Variants in MPPED1 observed in about 807,000 individuals in gnomAD.
MPPED1 encodes the protein metallophosphoesterase domain-containing protein 1.
MPPED1 carries 16 observed loss-of-function variants against 36.2 expected under a neutral mutation model. The ratio of observed to expected loss-of-function variants is 0.44; its 90% CI spans 0.30 to 0.67. The LOEUF (loss-of-function observed/expected upper bound fraction) is 0.67, where lower values mean the gene tolerates loss of function less well. MPPED1 is among the 30% of genes least tolerant of loss of function. The probability of loss-of-function intolerance (pLI) is 0.10; values close to 1 mark genes in which losing one functional copy is unlikely to be tolerated. For missense variants in MPPED1, 307 were observed against 453.4 expected, an observed-to-expected ratio of 0.68 and a Z score of 2.93; for synonymous variants, 199 against 191.3, an observed-to-expected ratio of 1.04 and a Z score of -0.33.
chr22:43,490,571 C>T (rs1245757225), intron 4 of MPPED1, among the ~76,000 whole-genome samples: 4 of 152,148 alleles, frequency 2.6e-5, no homozygotes, highest in Non-Finnish European at 5.9e-5. Context: ...GATATGTTTC[C>T]GAGTGTTTCC....
intron 3 of MPPED1, among the ~76,000 whole-genome samples, chr22:43,459,300 C>G (rs1930863911): frequency 6.6e-6 from 1 of 152,168 alleles, no homozygotes; most frequent in African/African-American, 2.4e-5. Flanking sequence ...TATTGCCAGG[C>G]TGGTCTTGAA....
At chr22:43,438,024 T>C (rs951191288) in intron 3 of MPPED1, among the ~76,000 whole-genome samples, 1 of 152,114 alleles carries the variant, frequency 6.6e-6, no homozygotes, top group African/African-American at 2.4e-5. Context: ...AAACATTCCG[T>C]CATCCTATTG....
chr22:43,463,819 C>T (rs1466953776), intron 3 of MPPED1, among the ~76,000 whole-genome samples: 3 of 83,466 alleles, frequency 3.6e-5, no homozygotes, highest in Non-Finnish European at 5.3e-5. Flanking sequence ...TTCTTTCTTT[C>T]TTTCTTTCTT....
intron 5 of MPPED1, among the ~76,000 whole-genome samples, chr22:43,499,654 TGGG>T (rs200306896): frequency 1.1e-5 from 1 of 89,160 alleles, no homozygotes; most frequent in Non-Finnish European, 2.1e-5. Flanking sequence ...GTGGTGGTGA[TGGG>T]GGTGGCGGTG....
At chr22:43,441,367 G>T (rs1930142728) in intron 3 of MPPED1, among the ~76,000 whole-genome samples, 1 of 152,168 alleles carries the variant, frequency 6.6e-6, no homozygotes, top group Non-Finnish European at 1.5e-5. Context: ...TGTGTCACCT[G>T]CTGAGCTGCT....
rs146953135 is a variant in MPPED1, at chr22:43,490,312, G to A, written c.633-7923G>A. 1.0e-3 allele frequency among the ~76,000 whole-genome samples: 155 copies of A among 152,354 alleles called. 1 individual carries two copies. The highest frequency in any genetic ancestry group is 3.5e-3 in the African/African-American group (145 of 41,582). Reference sequence around the variant, plus strand: ...AATTCCAGACCCGCTGCCCTGTTGAGATCTGGTTCTTCACCCAGCTCTGCC... The same window carrying A: ...AATTCCAGACCCGCTGCCCTGTTGAAATCTGGTTCTTCACCCAGCTCTGCC... On this transcript the variant is annotated intron_variant, in intron 4 of 6. Transcript: ENST00000443721.
At chr22:43,473,491 A>C (rs908039587) in intron 3 of MPPED1, among the ~76,000 whole-genome samples, 10 of 152,154 alleles carry the variant, frequency 6.6e-5, no homozygotes, top group African/African-American at 2.2e-4. Flanking sequence ...CGTCTTTGCT[A>C]CTTGCCTGAC....
At chr22:43,430,570 G>A (rs1210601984) in intron 2 of MPPED1, among the ~76,000 whole-genome samples, 2 of 152,170 alleles carry the variant, frequency 1.3e-5, no homozygotes, top group Non-Finnish European at 2.9e-5. Context: ...GAAGAAGATC[G>A]GTGTAGGCTG....
At chr22:43,447,675 T>C (rs115889879) in intron 3 of MPPED1, among the ~76,000 whole-genome samples, 3,499 of 151,120 alleles carry the variant, frequency 0.023, 149 homozygotes, top group African/African-American at 0.081. Context: ...GACTGGCCTA[T>C]CTCACACTTC....
At chr22:43,497,827 G>A (rs939291214) in intron 4 of MPPED1, among the ~76,000 whole-genome samples, 1 of 150,810 alleles carries the variant, frequency 6.6e-6, no homozygotes, top group African/African-American at 2.5e-5. Context: ...CATCTTCCTG[G>A]GGGTGGGGGT....
intron 3 of MPPED1, among the ~76,000 whole-genome samples, chr22:43,457,272 A>G (rs1481464153): frequency 6.6e-6 from 1 of 152,122 alleles, no homozygotes; most frequent in Non-Finnish European, 1.5e-5. Flanking sequence ...CCTTTTCTCT[A>G]GTAACAATTT....
In MPPED1 at chr22:43,435,085, C is replaced by T. The variant is rs190477732; in HGVS notation, c.276C>T (p.Phe92=). The T allele has an allele frequency of 6.7e-3, 10,784 of 1,613,888 alleles. 50 individuals are homozygous for T. Among genetic ancestry groups the T allele is most frequent in the Non-Finnish European group, 7.5e-3 (8,832 of 1,179,900 alleles). The change falls in exon 3 of 7, where the codon TTC becomes TTT. Residue 92 remains phenylalanine (F), a synonymous_variant. Transcript: ENST00000443721. ...CCAAACCTCCAGGCTACACCCGCTTCGTCTGCGTCTCTGATACCCACTCGA... is the reference window on the plus strand; with the variant it reads ...CCAAACCTCCAGGCTACACCCGCTTTGTCTGCGTCTCTGATACCCACTCGA... The part of the protein sequence containing the change: ...DAPKPPGYTR[F]VCVSDTHSRT...
chr22:43,424,944 G>A lies in MPPED1; in HGVS notation c.-42G>A. ...GTCTGGCGGGGGGCCGGGCTGCGGT[G>A]GCGGCAGCGGTGGGAGATGCCGGGG... On this transcript the variant is annotated 5_prime_UTR_variant, in exon 2 of 7. Transcript: ENST00000443721. 2 of 1,546,152 alleles carry A rather than the reference G, an allele frequency of 1.3e-6. No homozygotes were observed. Among genetic ancestry groups the A allele is most frequent in the Non-Finnish European group, 1.7e-6 (2 of 1,147,424 alleles).
At chr22:43,484,691 C>G (rs1052313806) in intron 4 of MPPED1, among the ~76,000 whole-genome samples, 1 of 152,172 alleles carries the variant, frequency 6.6e-6, no homozygotes, top group Non-Finnish European at 1.5e-5. Flanking sequence ...TGCCTTGAGC[C>G]CAGATCAAGT....
intron 4 of MPPED1, among the ~76,000 whole-genome samples, chr22:43,493,801 T>G (rs1174565790): frequency 1.3e-5 from 2 of 152,182 alleles, no homozygotes; most frequent in Non-Finnish European, 2.9e-5. Context: ...GAGACCTGTC[T>G]GACCAACAGT....
chr22:43,432,454 GATAA>G (rs1375634400), intron 2 of MPPED1, among the ~76,000 whole-genome samples: 3 of 121,100 alleles, frequency 2.5e-5, no homozygotes, highest in Non-Finnish European at 5.2e-5. Context: ...GGAGGAGAGA[GATAA>G]AGAGAGGAGA....
chr22:43,482,784 G>A (rs1276406675), intron 4 of MPPED1, among the ~76,000 whole-genome samples: 2 of 152,264 alleles, frequency 1.3e-5, no homozygotes, highest in South Asian at 2.1e-4. Context: ...CAGCCAGGTG[G>A]CTCTGGGATG....
At chr22:43,468,990 G>A (rs900332063) in intron 3 of MPPED1, among the ~76,000 whole-genome samples, 4 of 152,160 alleles carry the variant, frequency 2.6e-5, no homozygotes, top group Non-Finnish European at 5.9e-5. Context: ...TGCCCAGCCC[G>A]GGGGTGCTCT....
intron 1 of MPPED1, among the ~76,000 whole-genome samples, chr22:43,421,479 G>A (rs1299739826): frequency 6.6e-6 from 1 of 152,246 alleles, no homozygotes; most frequent in African/African-American, 2.4e-5. Flanking sequence ...GCTAGCGCCT[G>A]CTCCTCTGGG....
Sources: allele counts gnomAD v4.1 joint callset (sites outside exome capture counted in the v4.1 genomes callset), GRCh38; gene constraint gnomAD v4.1.1; transcripts MANE v1.5; gene names NCBI Gene and HGNC (gene_info 2026-07-23, HGNC 2026-07-21).